The following RBFOX1 variants were observed in gnomAD, a reference collection of about 807,000 sequenced individuals.
RBFOX1 encodes RNA binding fox-1 homolog 1, also known as RNA binding protein fox-1 homolog 1.
A neutral mutation model predicts 57.7 loss-of-function variants in RBFOX1; 8 were observed. The ratio of observed to expected loss-of-function variants is 0.14; its 90% CI spans 0.08 to 0.25. RBFOX1 has a LOEUF of 0.25. Among genes scored for constraint, RBFOX1 ranks in the 10% least tolerant of loss-of-function variants. RBFOX1 has a pLI of 1.00. For synonymous variants in RBFOX1, 326 were observed against 222.4 expected, an observed-to-expected ratio of 1.47 and a Z score of -4.15; for missense variants, 611 against 548.5, an observed-to-expected ratio of 1.11 and a Z score of -1.14.
intron 2 of RBFOX1, among the ~76,000 whole-genome samples, chr16:6,352,131 T>G (rs1599954754): frequency 6.6e-6 from 1 of 152,188 alleles, no homozygotes; most frequent in African/African-American, 2.4e-5. Context: ...AGTCACTTTA[T>G]ATAATAAAAA....
At chr16:7,297,522 A>T (rs7202496) in intron 4 of RBFOX1, among the ~76,000 whole-genome samples, 1 of 152,136 alleles carries the variant, frequency 6.6e-6, no homozygotes, top group Middle Eastern at 3.2e-3. Flanking sequence ...CTAAGGTGCT[A>T]TGTAGCTTAG....
At chr16:5,938,318 C>T (rs1211572578) in intron 4 of RBFOX1, among the ~76,000 whole-genome samples, 1 of 152,162 alleles carries the variant, frequency 6.6e-6, no homozygotes, top group African/African-American at 2.4e-5. Flanking sequence ...CAGTTCTCCT[C>T]CAGAGTGTCT....
intron 4 of RBFOX1, among the ~76,000 whole-genome samples, chr16:7,373,680 G>C (rs1265219250): frequency 6.6e-6 from 1 of 151,816 alleles, no homozygotes; most frequent in East Asian, 2.1e-4. Context: ...TGTGTTGGCA[G>C]CAATAATTGC....
rs541409907 is a variant in RBFOX1 at position 7,300,247 on chromosome 16, C to T, written c.28-217900C>T. The stretch of plus-strand genomic sequence containing the variant: ...CCCCACCCACTAGAATGTAAACTGT[C>T]TAATGTCAGGGACCTTTGTTTGTCC... On this transcript the variant is annotated intron_variant, in intron 4 of 15. Coordinates refer to ENST00000550418, the MANE Select transcript of RBFOX1 (RefSeq NM_018723.4). 3.3e-5 allele frequency among the ~76,000 whole-genome samples: 5 copies of T among 151,862 alleles called. No homozygotes were observed. In the East Asian group the frequency reaches 9.7e-4, roughly 29 times the overall value.
At chr16:6,259,676 G>A (rs935073438) in intron 1 of RBFOX1, among the ~76,000 whole-genome samples, 1 of 152,070 alleles carries the variant, frequency 6.6e-6, no homozygotes, top group African/African-American at 2.4e-5. Context: ...AAAACACTGG[G>A]GCCGGGTGCA....
intron 2 of RBFOX1, among the ~76,000 whole-genome samples, chr16:6,386,833 C>A (rs1368309663): frequency 2.0e-5 from 3 of 151,880 alleles, no homozygotes; most frequent in African/African-American, 4.8e-5. Flanking sequence ...GATCAAGGGG[C>A]CAGATAGGGC....
chr16:7,668,784 T>C (rs904197587), intron 13 of RBFOX1, among the ~76,000 whole-genome samples: 2 of 152,194 alleles, frequency 1.3e-5, no homozygotes, highest in Admixed American at 6.5e-5. Flanking sequence ...TTTAAATACA[T>C]TCATTTTAAT....
chr16:6,614,213 C>T (rs548903531), intron 2 of RBFOX1, among the ~76,000 whole-genome samples: 1 of 152,136 alleles, frequency 6.6e-6, no homozygotes, highest in Non-Finnish European at 1.5e-5. Context: ...AATTCTGATG[C>T]ATTTCATACT....
chr16:7,038,153 C>G (rs1169552106), intron 3 of RBFOX1, among the ~76,000 whole-genome samples: 3 of 151,934 alleles, frequency 2.0e-5, no homozygotes, highest in African/African-American at 4.8e-5. Flanking sequence ...CGCTGAGATG[C>G]TCATTCTACA....
chr16:7,349,951 A>G (rs1045940933), intron 4 of RBFOX1, among the ~76,000 whole-genome samples: 4 of 152,166 alleles, frequency 2.6e-5, no homozygotes, highest in Admixed American at 6.5e-5. Context: ...GTTCGAGACC[A>G]GCCTGGGCAA....
chr16:6,952,966 C>G (rs1471166604), intron 3 of RBFOX1, among the ~76,000 whole-genome samples: 4 of 152,064 alleles, frequency 2.6e-5, no homozygotes, highest in Non-Finnish European at 4.4e-5. Context: ...GAGCAAAATT[C>G]TGTCTCATAA....
chr16:6,896,607 C>G (rs117778038), intron 3 of RBFOX1, among the ~76,000 whole-genome samples: 1,884 of 152,310 alleles, frequency 0.012, 22 homozygotes, highest in Non-Finnish European at 0.02. Context: ...ATCTCATCCT[C>G]TGCTATGTAA....
chr16:5,523,594 A>G (rs1038176522), intron 2 of RBFOX1, among the ~76,000 whole-genome samples: 4 of 151,826 alleles, frequency 2.6e-5, no homozygotes, highest in Non-Finnish European at 4.4e-5. Flanking sequence ...TGCAGCCTGG[A>G]TGACAAAGTG....
chr16:7,183,573 C>T (rs961474145), intron 4 of RBFOX1, among the ~76,000 whole-genome samples: 10 of 151,790 alleles, frequency 6.6e-5, no homozygotes, highest in African/African-American at 1.9e-4. Flanking sequence ...AGTGTGCTTG[C>T]ACATGTGTGT....
At chr16:5,391,734 T>A (rs1433000941) in intron 1 of RBFOX1, among the ~76,000 whole-genome samples, 1 of 152,046 alleles carries the variant, frequency 6.6e-6, no homozygotes, top group Non-Finnish European at 1.5e-5. Flanking sequence ...TCTGTATGTG[T>A]CTGTTTTCAT....
chr16:5,696,539 G>A (rs776907185), intron 3 of RBFOX1, among the ~76,000 whole-genome samples: 15 of 152,132 alleles, frequency 9.9e-5, no homozygotes, highest in Admixed American at 1.3e-4. Context: ...GGCTATGTGC[G>A]TTTTCAAATT....
chr16:7,004,021 C>A (rs1471787313), intron 3 of RBFOX1: 1 of 148,640 alleles, frequency 6.7e-6, no homozygotes. Flanking sequence ...AAAAGTAACG[C>A]TTCACAAATT....
At chr16:6,852,705 C>T (rs1003369676) in intron 3 of RBFOX1, among the ~76,000 whole-genome samples, 1 of 151,336 alleles carries the variant, frequency 6.6e-6, no homozygotes, top group East Asian at 1.9e-4. Context: ...CAGGAAATAG[C>T]TGTGCCAGCG....
At position 5,850,919 on chromosome 16, in the gene RBFOX1, C is replaced by T. The variant is rs79911207; in HGVS notation, c.319-16384C>T. Among the ~76,000 whole-genome samples the T allele has an allele frequency of 8.9e-3, 1,354 of 152,338 alleles. 21 individuals carry two copies. Among genetic ancestry groups the T allele is most frequent in the African/African-American group, 0.03 (1,239 of 41,572 alleles). ...TTTAAAGGCTGGGACAGCAGGTGCG[C>T]AGCCTGGCTGGAGATGGCATCGGGC... On this transcript the variant is annotated intron_variant, in intron 3 of 19. Transcript: ENST00000641259.
Sources: allele counts gnomAD v4.1 joint callset (sites outside exome capture counted in the v4.1 genomes callset), GRCh38; gene constraint gnomAD v4.1.1; transcripts MANE v1.5; gene names NCBI Gene and HGNC (gene_info 2026-07-23, HGNC 2026-07-21).